The following SAMSN1 variants were observed in gnomAD, a reference collection of about 807,000 sequenced individuals.
SAMSN1 encodes SAM domain, SH3 domain and nuclear localization signals 1.
A neutral mutation model predicts 42.0 loss-of-function variants in SAMSN1; 31 were observed. That is an observed-to-expected ratio of 0.74 (90% confidence interval 0.55 to 1.00). The LOEUF (loss-of-function observed/expected upper bound fraction) is 1.00, where lower values mean the gene tolerates loss of function less well. Among genes scored for constraint, SAMSN1 ranks in the 50% least tolerant of loss-of-function variants. The probability of loss-of-function intolerance (pLI) is 0.00; values close to 1 mark genes in which losing one functional copy is unlikely to be tolerated. For synonymous variants in SAMSN1, 178 were observed against 151.9 expected (o/e 1.17, Z -1.26); for missense variants, 464 against 439.4 (o/e 1.06, Z -0.50).
chr21:14,532,951 T>C lies in SAMSN1; in HGVS notation c.58-11730A>G, dbSNP rs1238136938. On this transcript the variant is annotated intron_variant, in intron 1 of 7. Transcript: ENST00000400566. ...TGAGACAGGGTCTCTTGCTCCAGGGTTGCCAAGACTGGAGTGCGGTGATGT... is the reference window on the plus strand; with the variant it reads ...TGAGACAGGGTCTCTTGCTCCAGGGCTGCCAAGACTGGAGTGCGGTGATGT... 2.0e-5 allele frequency among the ~76,000 whole-genome samples: 3 copies of C among 152,078 alleles called. No individual in the cohort carries two copies. In the East Asian group the frequency reaches 5.8e-4, roughly 29 times the overall value.
intron 1 of SAMSN1, among the ~76,000 whole-genome samples, chr21:14,538,117 TTTTTG>T (rs1199255843): frequency 5.9e-5 from 9 of 152,320 alleles, no homozygotes; most frequent in African/African-American, 1.7e-4. Context: ...GATATCTGGT[TTTTTG>T]TTTTGTTTTG....
At chr21:14,617,322 G>A (rs1454001170) in intron 2 of SAMSN1, among the ~76,000 whole-genome samples, 1 of 152,120 alleles carries the variant, frequency 6.6e-6, no homozygotes, top group Non-Finnish European at 1.5e-5. Flanking sequence ...CTCTATTCAA[G>A]GTCTTTTTCT....
intron 2 of SAMSN1, among the ~76,000 whole-genome samples, chr21:14,631,203 T>G (rs1983318861): frequency 6.6e-6 from 1 of 152,236 alleles, no homozygotes; most frequent in African/African-American, 2.4e-5. Flanking sequence ...ACCATTAAAC[T>G]ACGAACCACA....
rs552740634 is a variant in SAMSN1 at position 14,486,374 on chromosome 21, C to T, written c.920-260G>A. ...GTTTCATGGAATTCATGTGAACTTC[C>T]CGCATCAGCAAAGATCAATATGGAC... On this transcript the variant is annotated intron_variant, in intron 7 of 7. Transcript: ENST00000400566. Among the ~76,000 whole-genome samples the T allele has an allele frequency of 8.5e-5, 13 of 152,172 alleles. No homozygotes were observed. The East Asian group carries it at 2.1e-3, about 25-fold the overall frequency.
At chr21:14,513,593 A>T (rs1600880056) in intron 3 of SAMSN1, among the ~76,000 whole-genome samples, 1 of 152,132 alleles carries the variant, frequency 6.6e-6, no homozygotes, top group Non-Finnish European at 1.5e-5. Flanking sequence ...GAGAATAGTA[A>T]GTGTTATGAA....
intron 2 of SAMSN1, among the ~76,000 whole-genome samples, chr21:14,638,359 C>T (rs990516322): frequency 6.6e-6 from 1 of 152,206 alleles, no homozygotes. Flanking sequence ...ATATATTTTA[C>T]ACTTATTGTC....
rs371541286 is a variant in SAMSN1, at chr21:14,513,654, G to A, written c.280-1081C>T. On this transcript the variant is annotated intron_variant, in intron 3 of 7. Transcript: ENST00000400566. Reference sequence around the variant, plus strand: ...GAATTTGTTGCTGAGGTTAGGGTTAGGGGTTGGCTGATTTAAATGGAGTAT... The same window carrying A: ...GAATTTGTTGCTGAGGTTAGGGTTAAGGGTTGGCTGATTTAAATGGAGTAT... 1.1e-4 allele frequency among the ~76,000 whole-genome samples: 17 copies of A among 152,272 alleles called. 1 individual carries two copies. The South Asian group carries it at 1.2e-3, about 11-fold the overall frequency.
chr21:14,605,853 T>A (rs1009065372), intron 5 of SAMSN1, among the ~76,000 whole-genome samples: 3 of 150,488 alleles, frequency 2.0e-5, no homozygotes, highest in African/African-American at 7.3e-5. Flanking sequence ...TATTTATTTA[T>A]TTTTTTGAGA....
chr21:14,554,612 T>G (rs2123184673), intron 2 of SAMSN1, among the ~76,000 whole-genome samples: 1 of 152,134 alleles, frequency 6.6e-6, no homozygotes, highest in African/African-American at 2.4e-5. Flanking sequence ...AAGATCATGG[T>G]ATGAAAAAAC....
At chr21:14,610,892 C>T (rs1464410812) in intron 4 of SAMSN1, among the ~76,000 whole-genome samples, 2 of 152,154 alleles carry the variant, frequency 1.3e-5, no homozygotes, top group Non-Finnish European at 2.9e-5. Context: ...CTTATGATTG[C>T]ATTATTCTTT....
At chr21:14,521,243 G>A (rs1292693121) in intron 1 of SAMSN1, 22 bp from the exon 2 acceptor site, 9 of 1,570,264 alleles carry the variant, frequency 5.7e-6, no homozygotes, top group Non-Finnish European at 4.4e-6. Flanking sequence ...AAAAGAAAAA[G>A]CAAAGGAAAC....
chr21:14,628,363 A>ATG (rs1983236798), intron 2 of SAMSN1, among the ~76,000 whole-genome samples: 1 of 152,172 alleles, frequency 6.6e-6, no homozygotes, highest in Non-Finnish European at 1.5e-5. Context: ...CATGATATAT[A>ATG]TTGAAATACC....
chr21:14,486,307 T>C, intron 7 of SAMSN1, among the ~76,000 whole-genome samples, 193 bp from the exon 8 acceptor site: 1 of 152,188 alleles, frequency 6.6e-6, no homozygotes, highest in East Asian at 1.9e-4. Context: ...CAAGCTACTG[T>C]TTTATTAGAA....
At chr21:14,609,594 G>A in intron 4 of SAMSN1, 1 of 717,492 alleles carries the variant, frequency 1.4e-6, no homozygotes, top group East Asian at 2.7e-5. Flanking sequence ...TAATTGGTTA[G>A]CAGAATTCAT....
At chr21:14,603,479 G>C (rs1225320082) in intron 5 of SAMSN1, among the ~76,000 whole-genome samples, 1 of 152,202 alleles carries the variant, frequency 6.6e-6, no homozygotes, top group Admixed American at 6.5e-5. Flanking sequence ...TTGAAGAATG[G>C]ATACAGTTTG....
At chr21:14,510,213 A>G in intron 5 of SAMSN1, 97 bp downstream of exon 5, 3 of 1,159,674 alleles carry the variant, frequency 2.6e-6, no homozygotes, top group Non-Finnish European at 3.8e-6. Context: ...GGAAGAACAC[A>G]CTCACACTGT....
At chr21:14,564,195 A>T (rs1164649625) in intron 2 of SAMSN1, among the ~76,000 whole-genome samples, 1 of 152,196 alleles carries the variant, frequency 6.6e-6, no homozygotes, top group African/African-American at 2.4e-5. Flanking sequence ...AGATGCCTAC[A>T]TACTGACTTG....
At chr21:14,610,993 A>G (rs1033242122) in intron 4 of SAMSN1, among the ~76,000 whole-genome samples, 2 of 152,176 alleles carry the variant, frequency 1.3e-5, no homozygotes, top group Non-Finnish European at 2.9e-5. Context: ...TGGTGTGATC[A>G]TAGCTCATTG....
At chr21:14,567,299 GA>G (rs10714214) in intron 2 of SAMSN1, among the ~76,000 whole-genome samples, 43,430 of 137,696 alleles carry the variant, frequency 0.32, 6,611 homozygotes, top group East Asian at 0.47. Flanking sequence ...CGGCAAGCTT[GA>G]AAAAAAAAAA....
Sources: allele counts gnomAD v4.1 joint callset (sites outside exome capture counted in the v4.1 genomes callset), GRCh38; gene constraint gnomAD v4.1.1; transcripts MANE v1.5; gene names NCBI Gene and HGNC (gene_info 2026-07-23, HGNC 2026-07-21).